The following DCAF8L2 variants were observed in gnomAD, a reference collection of about 807,000 sequenced individuals.
The protein encoded by DCAF8L2 is DDB1- and CUL4-associated factor 8-like protein 2.
For synonymous variants in DCAF8L2, 200 were observed against 190.9 expected, an observed-to-expected ratio of 1.05 and a Z score of -0.39; for missense variants, 430 against 490.7, an observed-to-expected ratio of 0.88 and a Z score of 1.17.
the DCAF8L2 span, among the ~76,000 whole-genome samples, chrX:27,576,187 G>A: frequency 8.9e-6 from 1 of 111,994 alleles, no homozygotes. Context: ...TTCATCTGTG[G>A]CTTTTTCCTT....
intron 1 of DCAF8L2, among the ~76,000 whole-genome samples, chrX:27,613,544 A>G (rs1927295809): frequency 9.0e-6 from 1 of 111,214 alleles, no homozygotes; most frequent in African/African-American, 3.3e-5. Context: ...TTCAAAGGGA[A>G]TGCTTCCAGT....
At chrX:27,545,959 A>G in the DCAF8L2 span, among the ~76,000 whole-genome samples, 1 of 111,674 alleles carries the variant, frequency 9.0e-6, no homozygotes, top group Admixed American at 9.5e-5. Context: ...AAAACCAATC[A>G]TGCCTTCTCA....
the DCAF8L2 span, among the ~76,000 whole-genome samples, chrX:27,488,308 T>A: frequency 8.1e-5 from 9 of 111,618 alleles, no homozygotes; most frequent in Admixed American, 7.7e-4. Flanking sequence ...GCAAAATGTC[T>A]ACTAAATTAT....
At chrX:27,591,757 C>G (rs1422241505) in intron 1 of DCAF8L2, among the ~76,000 whole-genome samples, 2 of 111,814 alleles carry the variant, frequency 1.8e-5, no homozygotes, top group Non-Finnish European at 3.8e-5. Context: ...CGTAGTGATG[C>G]TGGAAAGTGT....
At chrX:27,509,388 G>A in the DCAF8L2 span, among the ~76,000 whole-genome samples, 1 of 111,774 alleles carries the variant, frequency 8.9e-6, no homozygotes, top group Non-Finnish European at 1.9e-5. Context: ...ACTGCTGTCT[G>A]TTTAAAAACC....
chrX:27,489,944 C>T, the DCAF8L2 span, among the ~76,000 whole-genome samples: 1 of 111,820 alleles, frequency 8.9e-6, no homozygotes, highest in Non-Finnish European at 1.9e-5. Context: ...GTGGCACAAT[C>T]ATAGCTCACT....
intron 1 of DCAF8L2, among the ~76,000 whole-genome samples, chrX:27,597,811 C>T (rs951629244): frequency 8.0e-5 from 9 of 112,191 alleles, no homozygotes; most frequent in East Asian, 2.8e-4. Flanking sequence ...TTTACAGCCA[C>T]GCTACTTAGG....
chrX:27,583,939 C>T, the DCAF8L2 span, among the ~76,000 whole-genome samples: 168 of 111,327 alleles, frequency 1.5e-3, 2 homozygotes, highest in African/African-American at 5.1e-3. Flanking sequence ...AATATTTTGT[C>T]CCTGTATGTT....
chrX:27,681,414 A>G (rs1018259288), intron 3 of DCAF8L2, among the ~76,000 whole-genome samples: 1 of 111,491 alleles, frequency 9.0e-6, no homozygotes, highest in African/African-American at 3.3e-5. Flanking sequence ...ATGGGTGACA[A>G]AGTAACCAGG....
intron 4 of DCAF8L2, among the ~76,000 whole-genome samples, chrX:27,732,924 C>A (rs1165337049): frequency 1.8e-5 from 2 of 111,002 alleles, no homozygotes; most frequent in Admixed American, 1.9e-4. Context: ...AGTGTGCAAC[C>A]TCGGCTCACT....
chrX:27,748,256 G>A lies in DCAF8L2; in HGVS notation c.1361G>A (p.Ser454Asn). 1 of 1,211,847 alleles carries A rather than the reference G, an allele frequency of 8.3e-7. No homozygotes were observed. Among genetic ancestry groups the A allele is most frequent in the South Asian group, 1.8e-5 (1 of 57,005 alleles). The change falls in exon 5 of 5, where the codon AGT (serine) becomes AAT (asparagine). Residue 454 changes from serine to asparagine, a missense_variant. Coordinates refer to ENST00000451261, the MANE Select transcript of DCAF8L2 (RefSeq NM_001353450.2). The stretch of plus-strand genomic sequence containing the variant: ...ATTTACCTCTTCAACTCCTCTCACA[G>A]TGATGGTGCTCAATACAGTAAGAGA... ...DDIYLFNSSHSDGAQYSKRFK... is the reference protein window; with the variant it reads ...DDIYLFNSSHNDGAQYSKRFK...
At chrX:27,663,261 C>T (rs1308253791) in intron 2 of DCAF8L2, among the ~76,000 whole-genome samples, 2 of 112,051 alleles carry the variant, frequency 1.8e-5, no homozygotes, top group African/African-American at 3.2e-5. Flanking sequence ...AGACATAACT[C>T]ATTTTATAGT....
At chrX:27,471,046 A>G in the DCAF8L2 span, among the ~76,000 whole-genome samples, 1 of 111,637 alleles carries the variant, frequency 9.0e-6, no homozygotes, top group Non-Finnish European at 1.9e-5. Flanking sequence ...AGTCAGGGCC[A>G]AATATACCCT....
rs905931396 is a variant in DCAF8L2, at chrX:27,689,525, G to A, written c.-143+11613G>A. ...CTCCCAATGTGCTGGGATTACAGGCGTGAGCCACCGCACCCAGCCCACCAT... is the reference window on the plus strand; with the variant it reads ...CTCCCAATGTGCTGGGATTACAGGCATGAGCCACCGCACCCAGCCCACCAT... On this transcript the variant is annotated intron_variant, in intron 3 of 4. Coordinates refer to ENST00000451261, the MANE Select transcript of DCAF8L2 (RefSeq NM_001353450.2). Among the ~76,000 whole-genome samples, 6 of 112,796 alleles carry A rather than the reference G, an allele frequency of 5.3e-5. No homozygotes were observed. The East Asian group carries it at 1.4e-3, about 26-fold the overall frequency.
chrX:27,743,234 C>A (rs1418358282), intron 4 of DCAF8L2, among the ~76,000 whole-genome samples: 1 of 108,735 alleles, frequency 9.2e-6, no homozygotes, highest in African/African-American at 3.4e-5. Context: ...CTACAAGGCA[C>A]ATGCTATCAC....
the DCAF8L2 span, among the ~76,000 whole-genome samples, chrX:27,500,811 C>T: frequency 1.5e-4 from 17 of 111,676 alleles, no homozygotes; most frequent in African/African-American, 5.2e-4. Flanking sequence ...CCAGATGTCC[C>T]ATAGAAGCAA....
chrX:27,641,032 A>G (rs983631422), intron 2 of DCAF8L2, among the ~76,000 whole-genome samples: 1 of 111,832 alleles, frequency 8.9e-6, no homozygotes, highest in African/African-American at 3.2e-5. Flanking sequence ...CCTTTGTGCT[A>G]TTGTCATATA....
At chrX:27,529,435 C>T in the DCAF8L2 span, among the ~76,000 whole-genome samples, 1 of 111,704 alleles carries the variant, frequency 9.0e-6, no homozygotes, top group South Asian at 3.7e-4. Context: ...ACCTAATGAA[C>T]TTACAGCCCC....
At chrX:27,646,048 A>C (rs1184407914) in intron 2 of DCAF8L2, among the ~76,000 whole-genome samples, 1 of 112,010 alleles carries the variant, frequency 8.9e-6, no homozygotes, top group Non-Finnish European at 1.9e-5. Flanking sequence ...TATTCTTCAC[A>C]GAATTAGAAA....
Sources: allele counts gnomAD v4.1 joint callset (sites outside exome capture counted in the v4.1 genomes callset), GRCh38; gene constraint gnomAD v4.1.1; transcripts MANE v1.5; gene names NCBI Gene and HGNC (gene_info 2026-07-23, HGNC 2026-07-21).